Variants in A2M observed in about 807,000 individuals in gnomAD.
A2M encodes alpha-2-macroglobulin, also known as C3 and PZP-like alpha-2-macroglobulin domain-containing protein 5.
Under a neutral mutation model 183.9 loss-of-function variants are expected in A2M, and 128 were observed. The observed-to-expected ratio is 0.70, with a 90% confidence interval of 0.60 to 0.81. The LOEUF (loss-of-function observed/expected upper bound fraction) is 0.81. Among genes scored for constraint, A2M ranks in the 30% least tolerant of loss-of-function variants. The pLI, the probability that A2M is intolerant of heterozygous loss-of-function variation, is 0.00. For synonymous variants in A2M, 592 were observed against 670.8 expected (o/e 0.88, Z 1.81); for missense variants, 1,495 against 1,787.6 (o/e 0.84, Z 2.95).
At chr12:9,073,444 TC>T (rs1416283629) in intron 29 of A2M, among the ~76,000 whole-genome samples, 1 of 152,244 alleles carries the variant, frequency 6.6e-6, no homozygotes, top group African/African-American at 2.4e-5. Context: ...GATTTCCTGT[TC>T]CCAGTGAATG....
chr12:9,077,535 G>A (rs1805653), intron 26 of A2M, 115 bp from the exon 27 acceptor site: 496,258 of 1,451,884 alleles, frequency 0.34, 90,020 homozygotes, highest in African/African-American at 0.55. Context: ...TCCCTATAGG[G>A]CAAAGTATCA....
At chr12:9,115,518 T>A in intron 1 of A2M, 1 of 388,806 alleles carries the variant, frequency 2.6e-6, no homozygotes, top group Non-Finnish European at 4.7e-6. Flanking sequence ...AAATTTATTC[T>A]TTTAAAAAGC....
chr12:9,094,994 C>A lies in A2M; in HGVS notation c.2104G>T (p.Gly702Cys). ...TTACCATAAAAACCTACACGTAGAC[C>A]TTCAGGTCCATGCATTTCATACTGT... ...LQQYEMHGPE[G>C]LRVGFYESDV... Residue 702 changes from glycine (G) to cysteine (C), a missense_variant, in exon 17 of 36, where the codon GGT becomes TGT. Transcript: ENST00000318602. 6.3e-7 allele frequency: 1 copy of A among 1,578,696 alleles called. No individual in the cohort carries two copies. The highest frequency in any genetic ancestry group is 1.2e-5 in the South Asian group (1 of 82,612).
At chr12:9,088,291 TTAGG>T (rs1949108644) in intron 22 of A2M, among the ~76,000 whole-genome samples, 1 of 151,852 alleles carries the variant, frequency 6.6e-6, no homozygotes, top group South Asian at 2.1e-4. Context: ...TTTTGTAAAA[TTAGG>T]TAGGCACATT....
rs1465641746 is a variant in A2M, at chr12:9,069,757, A to C, written c.4251T>G (p.Ile1417Met). Residue 1417 changes from isoleucine (I) to methionine (M), a missense_variant, in exon 33 of 36, where the codon ATT (isoleucine) becomes ATG (methionine). Physicochemically the swap from Ile to Met is conservative, Grantham distance 10. Transcript: ENST00000318602. ...RTEVSSNHVL[I>M]YLDKVSNQTL... ...GAAGTTCTCTTACCTTATCAAGGTA[A>C]ATCAAGACATGGTTGCTGCTGACTT... is the stretch of plus-strand genomic sequence containing the variant. The C allele has an allele frequency of 5.0e-6, 8 of 1,612,376 alleles. No individual in the cohort carries two copies. Among genetic ancestry groups the C allele is most frequent in the Non-Finnish European group, 6.8e-6 (8 of 1,179,134 alleles).
intron 32 of A2M, among the ~76,000 whole-genome samples, chr12:9,070,144 T>C (rs1948524725): frequency 6.6e-6 from 1 of 152,240 alleles, no homozygotes. Context: ...TATTTTTCTT[T>C]TAACTTCTGT....
chr12:9,106,700 A>T (rs1227198578), intron 8 of A2M, 95 bp from the exon 9 acceptor site: 4 of 588,946 alleles, frequency 6.8e-6, no homozygotes, highest in East Asian at 5.8e-5. Flanking sequence ...TGGGGGGACA[A>T]CATCATGTAG....
chr12:9,099,747 G>A (rs983560175), intron 13 of A2M, among the ~76,000 whole-genome samples: 3 of 152,134 alleles, frequency 2.0e-5, no homozygotes, highest in African/African-American at 7.2e-5. Flanking sequence ...CTAATGTTCT[G>A]ATGCTAGTTA....
intron 15 of A2M, chr12:9,098,404 AT>A (rs1949448850): frequency 9.7e-6 from 3 of 310,370 alleles, no homozygotes; most frequent in East Asian, 6.3e-5. Context: ...TATTTTGTTT[AT>A]TTTTTTAACT....
In A2M at chr12:9,110,048, A is replaced by G. The variant is rs1938607287; in HGVS notation, c.505-13T>C. The G allele has an allele frequency of 6.3e-7, 1 of 1,596,842 alleles. No individual in the cohort carries two copies. The highest frequency in any genetic ancestry group is 2.2e-5 in the East Asian group (1 of 44,770). On this transcript the variant is annotated splice_polypyrimidine_tract_variant and intron_variant, in intron 5 of 35. Coordinates refer to ENST00000318602, the MANE Select transcript of A2M (RefSeq NM_000014.6). ...TTCCTTTGGGATCCTATATGAGTAA[A>G]TTAATTATAACTTACAAAAGCACCT...
intron 16 of A2M, 55 bp downstream of exon 16, chr12:9,095,484 T>G: frequency 6.6e-7 from 1 of 1,513,998 alleles, no homozygotes; most frequent in Non-Finnish European, 9.1e-7. Flanking sequence ...CTCTTTTCCA[T>G]GTGTAATATT....
At chr12:9,096,560 T>C (rs1026717686) in intron 15 of A2M, among the ~76,000 whole-genome samples, 2 of 152,246 alleles carry the variant, frequency 1.3e-5, no homozygotes, top group African/African-American at 4.8e-5. Flanking sequence ...ATATAATACA[T>C]ACAACTTTAA....
intron 11 of A2M, 61 bp downstream of exon 11, chr12:9,104,178 T>A (rs889117023): frequency 1.3e-6 from 2 of 1,540,086 alleles, no homozygotes; most frequent in Non-Finnish European, 1.8e-6. Context: ...TTCTCACCCT[T>A]AGGTTGCAAC....
rs375536103 is a variant in A2M at position 9,113,362 on chromosome 12, C to G, written c.268G>C (p.Ala90Pro). 1 of 1,613,088 alleles carries G rather than the reference C, an allele frequency of 6.2e-7. No individual in the cohort carries two copies. The highest frequency in any genetic ancestry group is 8.5e-7 in the Non-Finnish European group (1 of 1,179,680). The change falls in exon 2 of 36, where the codon GCT (alanine) becomes CCT (proline). Residue 90 changes from alanine (A) to proline (P), a missense_variant and splice_region_variant. Ala to Pro is a conservative substitution (Grantham distance 27, BLOSUM62 -1). Transcript: ENST00000318602. Reference sequence around the variant, plus strand: ...TTAAGTCAAACAGCCACACTCACAGCGAAGGCGACACAGTGGAGTACGTCA... The same window carrying G: ...TTAAGTCAAACAGCCACACTCACAGGGAAGGCGACACAGTGGAGTACGTCA... ...ENDVLHCVAF[A>P]VPKSSSNEEV...
chr12:9,099,597 A>C, intron 13 of A2M, 74 bp from the exon 14 acceptor site: 2 of 1,491,772 alleles, frequency 1.3e-6, no homozygotes, highest in Non-Finnish European at 9.0e-7. Flanking sequence ...TAACAGACAT[A>C]ATAAACAGTA....
At chr12:9,081,739 G>C (rs754249967) in intron 22 of A2M, among the ~76,000 whole-genome samples, 1 of 152,342 alleles carries the variant, frequency 6.6e-6, no homozygotes, top group Non-Finnish European at 1.5e-5. Flanking sequence ...TAGACATCAA[G>C]ATTCTCAAGT....
chr12:9,088,496 A>C (rs935679236), intron 22 of A2M, among the ~76,000 whole-genome samples: 1 of 152,152 alleles, frequency 6.6e-6, no homozygotes, highest in East Asian at 1.9e-4. Context: ...TTTAGGGTAC[A>C]TTTTATGTGT....
chr12:9,090,036 G>T lies in A2M; in HGVS notation c.2597-13C>A. On this transcript the variant is annotated splice_polypyrimidine_tract_variant and intron_variant, in intron 20 of 35. Transcript: ENST00000318602. ...AAATTCACATTTCCTGAAAAAAAAG[G>T]CCAGTAGAAATGAATAGCATCTTCC... 1 of 1,581,894 alleles carries T rather than the reference G, an allele frequency of 6.3e-7. No individual in the cohort carries two copies. Among genetic ancestry groups the T allele is most frequent in the East Asian group, 2.3e-5 (1 of 44,120 alleles).
rs781690683 is a variant in A2M, at chr12:9,106,256, C to G, written c.1084G>C (p.Gly362Arg). Reference sequence around the variant, plus strand: ...TCCACCTGCCCAAAGAAGGGAATTCCCTGTCGAAAGTGTGAGTCCACTTTC... The same window carrying G: ...TCCACCTGCCCAAAGAAGGGAATTCGCTGTCGAAAGTGTGAGTCCACTTTC... ...FVKVDSHFRQGIPFFGQVRLV... is the reference protein window; with the variant it reads ...FVKVDSHFRQRIPFFGQVRLV... Residue 362 changes from glycine to arginine, a missense_variant, in exon 10 of 36, where the codon GGA (glycine) becomes CGA (arginine). Physicochemically the swap from Gly to Arg is moderately radical, Grantham distance 125. Transcript: ENST00000318602. 1 of 1,611,392 alleles carries G rather than the reference C, an allele frequency of 6.2e-7. No homozygotes were observed. Among genetic ancestry groups the G allele is most frequent in the South Asian group, 1.1e-5 (1 of 91,006 alleles).
Sources: gnomAD v4.1 joint callset for allele counts (sites outside exome capture counted in the v4.1 genomes callset) on GRCh38, gnomAD v4.1.1 for gene constraint, MANE v1.5 for transcripts, NCBI Gene and HGNC (gene_info 2026-07-23, HGNC 2026-07-21) for gene names.